Variants in RSPO2 observed in about 807,000 individuals in gnomAD.
The protein encoded by RSPO2 is R-spondin-2.
A neutral mutation model predicts 30.9 loss-of-function variants in RSPO2; 14 were observed. That is an observed-to-expected ratio of 0.45 (90% CI 0.30 to 0.71). The LOEUF (loss-of-function observed/expected upper bound fraction) is 0.71, where lower values mean the gene tolerates loss of function less well. Ranked by LOEUF, RSPO2 falls within the 30% of genes least tolerant of loss-of-function variation. RSPO2 has a pLI of 0.08. For missense variants in RSPO2, 264 were observed against 301.9 expected (o/e 0.87, Z 0.93); for synonymous variants, 107 against 96.4 (o/e 1.11, Z -0.64).
chr8:107,902,213 C>T (rs1466882513), intron 5 of RSPO2, among the ~76,000 whole-genome samples: 2 of 152,182 alleles, frequency 1.3e-5, no homozygotes, highest in Admixed American at 6.5e-5. Flanking sequence ...CACCCCTACA[C>T]ACCTTCAGTA....
intron 3 of RSPO2, among the ~76,000 whole-genome samples, chr8:107,971,150 TATA>T (rs1284207052): frequency 6.6e-6 from 1 of 152,180 alleles, no homozygotes; most frequent in Admixed American, 6.5e-5. Context: ...GCCCTGGAAA[TATA>T]ATAATAGAAC....
chr8:107,903,455 T>A (rs1811542146), intron 5 of RSPO2, among the ~76,000 whole-genome samples: 1 of 152,100 alleles, frequency 6.6e-6, no homozygotes, highest in African/African-American at 2.4e-5. Flanking sequence ...AGATGGTCAA[T>A]TTCGTTTCAT....
intron 5 of RSPO2, among the ~76,000 whole-genome samples, chr8:107,926,249 G>T (rs1299601505): frequency 6.6e-6 from 1 of 151,944 alleles, no homozygotes; most frequent in Non-Finnish European, 1.5e-5. Context: ...TCTTGATGGG[G>T]TTGTTTTTTT....
At chr8:107,983,134 C>T (rs562489172) in intron 3 of RSPO2, 3 of 1,469,502 alleles carry the variant, frequency 2.0e-6, no homozygotes, top group African/African-American at 1.4e-5. Context: ...TAATGAAGGA[C>T]CCCTCAACCT....
chr8:108,041,203 C>CAAAAAA (rs55937336), intron 2 of RSPO2, among the ~76,000 whole-genome samples: 101 of 100,270 alleles, frequency 1.0e-3, no homozygotes, highest in African/African-American at 1.5e-3. Flanking sequence ...CAAAAAGTGG[C>CAAAAAA]AAAAAAAAAA....
chr8:107,965,158 TA>T (rs1235961542), intron 3 of RSPO2, among the ~76,000 whole-genome samples: 1 of 152,110 alleles, frequency 6.6e-6, no homozygotes, highest in Non-Finnish European at 1.5e-5. Context: ...CTCGTTCAAA[TA>T]AAAGACCCTA....
At chr8:108,057,763 C>T (rs1230843228) in intron 2 of RSPO2, among the ~76,000 whole-genome samples, 1 of 152,096 alleles carries the variant, frequency 6.6e-6, no homozygotes, top group Non-Finnish European at 1.5e-5. Flanking sequence ...CCCTGACTTG[C>T]AATATAACCA....
chr8:107,986,940 C>T (rs769334079), intron 3 of RSPO2, among the ~76,000 whole-genome samples: 6 of 152,172 alleles, frequency 3.9e-5, no homozygotes, highest in Non-Finnish European at 8.8e-5. Flanking sequence ...AAATCATATG[C>T]CTTAAGAACA....
At chr8:107,992,752 T>A (rs1298444792) in intron 2 of RSPO2, among the ~76,000 whole-genome samples, 1 of 152,096 alleles carries the variant, frequency 6.6e-6, no homozygotes, top group African/African-American at 2.4e-5. Flanking sequence ...GGATAAAACT[T>A]TGACTGACAG....
Position 108,003,293 on chromosome 8 carries a change from ATATATATATATATATATATTTTTTTTT to A in RSPO2, c.95-14076_95-14050del, listed in dbSNP as rs1442222917. On this transcript the variant is annotated intron_variant, in intron 2 of 5. Transcript: ENST00000276659. The stretch of plus-strand genomic sequence containing the variant: ...TGTGTGTGTGTATATATATATATAT[ATATATATATATATATATATTTTTTTTT>A]TTTTTTTTTTTTTTTTTAAGTAGAG... Among the ~76,000 whole-genome samples the A allele has an allele frequency of 5.8e-4, 42 of 72,016 alleles. 1 individual carries two copies. Among genetic ancestry groups the A allele is most frequent in the Middle Eastern group, 6.0e-3 (1 of 166 alleles). 47.2% of individuals were successfully genotyped at this position (72,016 alleles called of 152,430 possible).
intron 5 of RSPO2, among the ~76,000 whole-genome samples, chr8:107,951,042 A>C: frequency 1.8e-5 from 1 of 55,024 alleles, no homozygotes; most frequent in Middle Eastern, 9.3e-3. Flanking sequence ...AGGGAGAATA[A>C]GTTTTTTTTT....
At chr8:107,909,420 G>A (rs1412677873) in intron 5 of RSPO2, among the ~76,000 whole-genome samples, 1 of 151,856 alleles carries the variant, frequency 6.6e-6, no homozygotes, top group African/African-American at 2.4e-5. Flanking sequence ...ATGCCACCAT[G>A]CCTGGATACT....
At chr8:108,074,974 T>C (rs1812966163) in intron 2 of RSPO2, among the ~76,000 whole-genome samples, 1 of 152,200 alleles carries the variant, frequency 6.6e-6, no homozygotes, top group Non-Finnish European at 1.5e-5. Context: ...CTCTCATGGG[T>C]ATGTCCACAT....
intron 5 of RSPO2, among the ~76,000 whole-genome samples, chr8:107,952,789 G>A (rs959049765): frequency 1.3e-5 from 2 of 152,008 alleles, no homozygotes; most frequent in South Asian, 2.1e-4. Context: ...ATACACACAC[G>A]AAAAAACATA....
intron 3 of RSPO2, among the ~76,000 whole-genome samples, chr8:107,973,778 T>A (rs969885153): frequency 2.6e-5 from 4 of 152,130 alleles, no homozygotes; most frequent in African/African-American, 9.7e-5. Flanking sequence ...CATCCCTTCC[T>A]TTTTTCCCCC....
chr8:107,947,729 A>G (rs1042481511), intron 5 of RSPO2, among the ~76,000 whole-genome samples: 1 of 152,202 alleles, frequency 6.6e-6, no homozygotes, highest in Non-Finnish European at 1.5e-5. Context: ...TCAGCTTTCT[A>G]CTGAAACACC....
intron 3 of RSPO2, 37 bp downstream of exon 3, chr8:107,989,019 A>G (rs199599817): frequency 9.9e-5 from 152 of 1,528,138 alleles, no homozygotes; most frequent in Non-Finnish European, 1.3e-4. Flanking sequence ...TAAGTTGCAT[A>G]TCCAGCAATA....
chr8:108,065,965 G>A (rs1246581368), intron 2 of RSPO2, among the ~76,000 whole-genome samples: 1 of 152,188 alleles, frequency 6.6e-6, no homozygotes, highest in Non-Finnish European at 1.5e-5. Flanking sequence ...TTGAACCCAG[G>A]AGGCAGAGGT....
At chr8:107,951,514 A>C (rs1442170992) in intron 5 of RSPO2, among the ~76,000 whole-genome samples, 2 of 152,170 alleles carry the variant, frequency 1.3e-5, no homozygotes, top group East Asian at 3.9e-4. Context: ...GTCATAAAAA[A>C]TGTTTTATAT....
Sources: gnomAD v4.1 joint callset for allele counts (sites outside exome capture counted in the v4.1 genomes callset) on GRCh38, gnomAD v4.1.1 for gene constraint, MANE v1.5 for transcripts, NCBI Gene and HGNC (gene_info 2026-07-23, HGNC 2026-07-21) for gene names.